Variants in THUMPD2 observed in about 807,000 individuals in gnomAD.
THUMPD2 encodes the protein THUMP domain 2 tRNA and snRNA guanosine methyltransferase.
In THUMPD2, 56 loss-of-function variants were observed where a neutral mutation model predicts 49.4. That is an observed-to-expected ratio of 1.13 (90% CI 0.91 to 1.41). The LOEUF is 1.41. THUMPD2 is among the 40% of genes most tolerant of loss of function. THUMPD2 has a pLI of 0.00. For missense variants in THUMPD2, 709 were observed against 594.5 expected (o/e 1.19, Z -2.00); for synonymous variants, 237 against 205.2 (o/e 1.15, Z -1.32).
intron 6 of THUMPD2, among the ~76,000 whole-genome samples, chr2:39,757,760 A>C (rs553627076): frequency 6.6e-6 from 1 of 152,352 alleles, no homozygotes; most frequent in African/African-American, 2.4e-5. Context: ...GATATGTAGG[A>C]AGGAGAACAG....
intron 4 of THUMPD2, among the ~76,000 whole-genome samples, chr2:39,766,917 T>C (rs957330539): frequency 1.3e-5 from 2 of 152,252 alleles, no homozygotes; most frequent in Non-Finnish European, 2.9e-5. Flanking sequence ...TTCCCAATTT[T>C]ACATATTATG....
At chr2:39,743,224 A>G (rs1189734388) in intron 9 of THUMPD2, among the ~76,000 whole-genome samples, 1 of 152,208 alleles carries the variant, frequency 6.6e-6, no homozygotes, top group African/African-American at 2.4e-5. Context: ...GTGTGTTATC[A>G]AATTCCCAGC....
At chr2:39,774,927 A>AGAAAGG (rs1678872173) in intron 1 of THUMPD2, among the ~76,000 whole-genome samples, 1 of 152,196 alleles carries the variant, frequency 6.6e-6, no homozygotes, top group Non-Finnish European at 1.5e-5. Flanking sequence ...TAGCATATCT[A>AGAAAGG]AACAGCATTT....
intron 4 of THUMPD2, among the ~76,000 whole-genome samples, chr2:39,768,141 C>T (rs1344128902): frequency 6.6e-6 from 1 of 152,068 alleles, no homozygotes; most frequent in Non-Finnish European, 1.5e-5. Context: ...CTATAGAGAA[C>T]ATCGCTGTAA....
Position 39,755,395 on chromosome 2 carries a change from T to C in THUMPD2, c.978A>G (p.Val326=). ...ACTGTGAGTCGCTGACATCAGCACC[T>C]ACATAATACACATCCTATGGGGAAA... ...AAKEWPDVYY[V]GADVSDSQLL... is the part of the protein sequence containing the mutation. The change falls in exon 8 of 10, where the codon GTA becomes GTG. Residue 326 remains valine (V), a synonymous_variant. Transcript: ENST00000505747. The C allele has an allele frequency of 1.9e-6, 3 of 1,562,648 alleles. No individual in the cohort carries two copies. The highest frequency in any genetic ancestry group is 2.6e-6 in the Non-Finnish European group (3 of 1,158,384).
At chr2:39,745,515 T>C (rs1415261759) in intron 8 of THUMPD2, among the ~76,000 whole-genome samples, 3 of 152,188 alleles carry the variant, frequency 2.0e-5, no homozygotes, top group African/African-American at 4.8e-5. Context: ...ATTTACAAAA[T>C]GACTAAAGAC....
chr2:39,752,461 T>G (rs1675539442), intron 8 of THUMPD2, among the ~76,000 whole-genome samples: 1 of 152,324 alleles, frequency 6.6e-6, no homozygotes, highest in East Asian at 1.9e-4. Flanking sequence ...CTCTAAATTG[T>G]ATTTATAATT....
chr2:39,763,928 T>G (rs1677166377), intron 5 of THUMPD2, among the ~76,000 whole-genome samples: 1 of 152,160 alleles, frequency 6.6e-6, no homozygotes, highest in Non-Finnish European at 1.5e-5. Context: ...GTTTCTAATT[T>G]TCTACCACTT....
chr2:39,737,983 G>A lies in THUMPD2; in HGVS notation c.1188-924C>T, dbSNP rs771113758. The stretch of plus-strand genomic sequence containing the variant: ...ATGTACCTAAGGAACACATAAGTGC[G>A]GATTCCACCAGAGAGCTGGATACAC... On this transcript the variant is annotated intron_variant, in intron 9 of 9. Transcript: ENST00000505747. Among the ~76,000 whole-genome samples the A allele has an allele frequency of 1.1e-4, 17 of 152,122 alleles. No individual in the cohort carries two copies. In the South Asian group the frequency reaches 1.2e-3, roughly 11 times the overall value.
chr2:39,757,647 C>A (rs549132411), intron 6 of THUMPD2, among the ~76,000 whole-genome samples: 1 of 152,154 alleles, frequency 6.6e-6, no homozygotes, highest in Non-Finnish European at 1.5e-5. Context: ...ACCTTAGGAC[C>A]TTTTCTTGCC....
chr2:39,746,215 C>T (rs1455623566), intron 8 of THUMPD2, among the ~76,000 whole-genome samples: 1 of 152,158 alleles, frequency 6.6e-6, no homozygotes, highest in Admixed American at 6.5e-5. Flanking sequence ...ACAGTAGTAT[C>T]CCCTTCTCCC....
Position 39,769,915 on chromosome 2 carries a change from T to C in THUMPD2, c.467A>G (p.Glu156Gly). ...TTCCAGCTGGCAGTCCCTATTCTCTTCTATCTTTTGCATTTGTTCTATTTT... is the reference window on the plus strand; with the variant it reads ...TTCCAGCTGGCAGTCCCTATTCTCTCCTATCTTTTGCATTTGTTCTATTTT... ...KLKIEQMQKI[E>G]ENRDCQLEKQ... Residue 156 changes from glutamate to glycine, a missense_variant, in exon 3 of 10, where the codon GAA becomes GGA. Transcript: ENST00000505747. 6.3e-7 allele frequency: 1 copy of C among 1,586,702 alleles called. No individual in the cohort carries two copies. Among genetic ancestry groups the C allele is most frequent in the Middle Eastern group, 1.7e-4 (1 of 5,838 alleles).
At chr2:39,767,600 T>A (rs1483131123) in intron 4 of THUMPD2, among the ~76,000 whole-genome samples, 1 of 28,000 alleles carries the variant, frequency 3.6e-5, no homozygotes, top group Non-Finnish European at 6.0e-5. Context: ...CGAGACTCCG[T>A]CTCAAAAAAA....
chr2:39,762,470 G>C (rs1035074434), intron 5 of THUMPD2, among the ~76,000 whole-genome samples: 3 of 152,018 alleles, frequency 2.0e-5, no homozygotes, highest in Admixed American at 1.3e-4. Context: ...AAATAAAACA[G>C]TGTAATTGTA....
intron 8 of THUMPD2, among the ~76,000 whole-genome samples, chr2:39,746,174 T>G (rs1422599181): frequency 6.6e-6 from 1 of 152,188 alleles, no homozygotes; most frequent in Non-Finnish European, 1.5e-5. Flanking sequence ...TGGAAACCAG[T>G]GCGCCATCCT....
chr2:39,739,065 T>G (rs955507048), intron 9 of THUMPD2, among the ~76,000 whole-genome samples: 1 of 152,236 alleles, frequency 6.6e-6, no homozygotes, highest in Non-Finnish European at 1.5e-5. Context: ...ATAGTTTGCC[T>G]GGACCACAGC....
At chr2:39,776,570 T>C (rs1253536725) in intron 1 of THUMPD2, among the ~76,000 whole-genome samples, 1 of 152,006 alleles carries the variant, frequency 6.6e-6, no homozygotes, top group African/African-American at 2.4e-5. Flanking sequence ...TTTGTATTTT[T>C]AGTAGAGACG....
At chr2:39,757,446 A>C in intron 6 of THUMPD2, 3 of 1,294,336 alleles carry the variant, frequency 2.3e-6, no homozygotes, top group Non-Finnish European at 3.0e-6. Context: ...AATATCACAC[A>C]AATCCCCCAT....
chr2:39,779,134 C>A lies in THUMPD2; in HGVS notation c.106G>T (p.Ala36Ser), dbSNP rs962347209. The change falls in exon 1 of 10, where the codon GCG becomes TCG. Residue 36 changes from alanine to serine, a missense_variant. Ala to Ser is a moderately conservative substitution (Grantham distance 99, BLOSUM62 1). Transcript: ENST00000505747. Reference protein sequence around the residue: ...LEPFVMREVRARLAATQVEYI... With the variant: ...LEPFVMREVRSRLAATQVEYI... Reference sequence around the variant, plus strand: ...CTCACCTGCGTGGCCGCCAGCCGCGCCCGCACCTCTCGCATTACGAACGGC... The same window carrying A: ...CTCACCTGCGTGGCCGCCAGCCGCGACCGCACCTCTCGCATTACGAACGGC... 1 of 1,517,450 alleles carries A rather than the reference C, an allele frequency of 6.6e-7. No homozygotes were observed. The allele number at this position is 1,517,450 out of a possible 1,614,324, so 94.0% of individuals were successfully genotyped here.
Sources: gnomAD v4.1 joint callset for allele counts (sites outside exome capture counted in the v4.1 genomes callset) on GRCh38, gnomAD v4.1.1 for gene constraint, MANE v1.5 for transcripts, NCBI Gene and HGNC (gene_info 2026-07-23, HGNC 2026-07-21) for gene names.